DCDC1: variants seen among roughly 807,000 people sequenced by gnomAD.
DCDC1 encodes the protein doublecortin domain-containing protein 1.
DCDC1 carries 200 observed loss-of-function variants against 178.3 expected under a neutral mutation model. The ratio of observed to expected loss-of-function variants is 1.12; its 90% CI spans 1.00 to 1.26. The LOEUF is 1.26. Ranked by LOEUF, DCDC1 falls within the 50% of genes most tolerant of loss-of-function variation. The pLI is 0.00. For missense variants in DCDC1, 1,983 were observed against 1,749.2 expected (o/e 1.13, Z -2.38); for synonymous variants, 690 against 604.8 (o/e 1.14, Z -2.07).
At chr11:31,066,451 T>C (rs1956254205) in intron 18 of DCDC1, among the ~76,000 whole-genome samples, 1 of 152,208 alleles carries the variant, frequency 6.6e-6, no homozygotes, top group Admixed American at 6.5e-5. Flanking sequence ...AACTCCTTAC[T>C]GCACTTTTTA....
chr11:31,356,153 C>G (rs555902206), intron 1 of DCDC1, among the ~76,000 whole-genome samples: 46 of 151,846 alleles, frequency 3.0e-4, no homozygotes, highest in South Asian at 8.3e-4. Flanking sequence ...TATTTTATAA[C>G]AACAACAACA....
intron 20 of DCDC1, among the ~76,000 whole-genome samples, chr11:30,978,498 A>C (rs1291990007): frequency 6.6e-6 from 1 of 152,144 alleles, no homozygotes; most frequent in African/African-American, 2.4e-5. Flanking sequence ...TTATTGATAC[A>C]TAATATTTGT....
intron 11 of DCDC1, among the ~76,000 whole-genome samples, chr11:31,126,019 G>A (rs1961565844): frequency 6.6e-6 from 1 of 152,100 alleles, no homozygotes; most frequent in Non-Finnish European, 1.5e-5. Context: ...CAGCCCATGT[G>A]CCAATATGTA....
intron 20 of DCDC1, among the ~76,000 whole-genome samples, chr11:30,977,672 G>A (rs537714607): frequency 2.3e-3 from 352 of 152,296 alleles, no homozygotes; most frequent in Non-Finnish European, 3.9e-3. Context: ...GCTCGCACCT[G>A]TAATCCCAGC....
At chr11:31,356,194 ACCAAG>A (rs2133340797) in intron 1 of DCDC1, among the ~76,000 whole-genome samples, 1 of 152,344 alleles carries the variant, frequency 6.6e-6, no homozygotes, top group South Asian at 2.1e-4. Flanking sequence ...TTTTATGTTT[ACCAAG>A]CCAAGACTCT....
chr11:31,081,832 T>C (rs1295439437), intron 17 of DCDC1, among the ~76,000 whole-genome samples: 1 of 152,126 alleles, frequency 6.6e-6, no homozygotes, highest in Non-Finnish European at 1.5e-5. Context: ...CCCTAAATTT[T>C]ACCGAAGTTG....
chr11:31,131,915 C>T (rs1315793154), intron 10 of DCDC1, among the ~76,000 whole-genome samples: 1 of 152,214 alleles, frequency 6.6e-6, no homozygotes, highest in Admixed American at 6.5e-5. Context: ...CTGTCACAAT[C>T]CATAGCCTTT....
chr11:31,034,303 A>AC (rs397848703), intron 20 of DCDC1, among the ~76,000 whole-genome samples: 1 of 151,810 alleles, frequency 6.6e-6, no homozygotes, highest in Non-Finnish European at 1.5e-5. Context: ...AAAGTAAAAA[A>AC]GTTACAGTAA....
chr11:31,028,024 C>A (rs975561392), intron 20 of DCDC1, among the ~76,000 whole-genome samples: 3 of 151,538 alleles, frequency 2.0e-5, no homozygotes, highest in African/African-American at 2.4e-5. Flanking sequence ...CATAGATATG[C>A]CCTTCTGTAT....
chr11:31,213,098 A>T (rs1565441515), intron 9 of DCDC1, among the ~76,000 whole-genome samples: 2 of 47,600 alleles, frequency 4.2e-5, no homozygotes, highest in African/African-American at 1.8e-4. Context: ...TATAAAGCCC[A>T]GCCTCTCTCT....
chr11:31,346,932 AGT>A (rs1312326394), intron 1 of DCDC1, among the ~76,000 whole-genome samples: 4 of 152,254 alleles, frequency 2.6e-5, no homozygotes, highest in Non-Finnish European at 5.9e-5. Context: ...TATTTTAAAT[AGT>A]TTTATTTTTT....
chr11:31,286,020 G>C (rs1433420242), intron 7 of DCDC1, among the ~76,000 whole-genome samples: 1 of 152,024 alleles, frequency 6.6e-6, no homozygotes, highest in Admixed American at 6.6e-5. Flanking sequence ...AGAAGTACAG[G>C]AGAACAAGCA....
At chr11:30,981,137 A>G (rs1950374714) in intron 20 of DCDC1, among the ~76,000 whole-genome samples, 2 of 152,160 alleles carry the variant, frequency 1.3e-5, no homozygotes, top group Admixed American at 6.6e-5. Flanking sequence ...GAGCTAAACA[A>G]TGGGTACCAT....
chr11:31,226,264 C>A (rs1350208664), intron 9 of DCDC1, among the ~76,000 whole-genome samples: 1 of 150,816 alleles, frequency 6.6e-6, no homozygotes, highest in Non-Finnish European at 1.5e-5. Flanking sequence ...AAATAAAGTA[C>A]CCAGAAAAAA....
intron 9 of DCDC1, among the ~76,000 whole-genome samples, chr11:31,208,981 C>A (rs1018431741): frequency 1.1e-4 from 16 of 152,120 alleles, no homozygotes; most frequent in African/African-American, 3.6e-4. Flanking sequence ...CCTCAGCAAG[C>A]TCTTTAAGGC....
intron 1 of DCDC1, among the ~76,000 whole-genome samples, chr11:31,343,510 T>A (rs1281630786): frequency 6.6e-6 from 1 of 152,114 alleles, no homozygotes; most frequent in South Asian, 2.1e-4. Context: ...TTTCTCCATG[T>A]TGGTCAGGCT....
intron 11 of DCDC1, among the ~76,000 whole-genome samples, chr11:31,126,297 G>C (rs577093658): frequency 1.3e-5 from 2 of 152,218 alleles, no homozygotes; most frequent in African/African-American, 4.8e-5. Context: ...TTGTAATCAA[G>C]TCAAAAACCT....
chr11:30,871,538 G>A (rs541089224), intron 38 of DCDC1, among the ~76,000 whole-genome samples: 3 of 151,960 alleles, frequency 2.0e-5, no homozygotes, highest in Non-Finnish European at 2.9e-5. Flanking sequence ...TCTCTTTACT[G>A]GCTTCCCACT....
At chr11:30,898,897 T>C (rs1944439872) in intron 34 of DCDC1, among the ~76,000 whole-genome samples, 1 of 152,162 alleles carries the variant, frequency 6.6e-6, no homozygotes, top group South Asian at 2.1e-4. Flanking sequence ...AAGTCCATAG[T>C]ACATTGTTTC....
Sources: allele counts gnomAD v4.1 joint callset (sites outside exome capture counted in the v4.1 genomes callset), GRCh38; gene constraint gnomAD v4.1.1; transcripts MANE v1.5; gene names NCBI Gene and HGNC (gene_info 2026-07-23, HGNC 2026-07-21).